Variants in UBR4 observed in about 807,000 individuals in gnomAD.
UBR4 encodes the protein E3 ubiquitin-protein ligase UBR4.
In UBR4, 124 loss-of-function variants were observed where a neutral mutation model predicts 575.6. The ratio of observed to expected loss-of-function variants is 0.22; its 90% CI spans 0.19 to 0.25. The LOEUF (loss-of-function observed/expected upper bound fraction) is 0.25. Among genes scored for constraint, UBR4 ranks in the 10% least tolerant of loss-of-function variants. The probability of loss-of-function intolerance (pLI) is 1.00; values close to 1 mark genes in which losing one functional copy is unlikely to be tolerated. For missense variants in UBR4, 4,818 were observed against 6,478.8 expected, an observed-to-expected ratio of 0.74 and a Z score of 8.80; for synonymous variants, 2,455 against 2,473.7, an observed-to-expected ratio of 0.99 and a Z score of 0.22.
At chr1:19,104,050 G>A in intron 87 of UBR4, 34 bp downstream of exon 87, 1 of 1,608,992 alleles carries the variant, frequency 6.2e-7, no homozygotes, top group Non-Finnish European at 8.5e-7. Context: ...AGAAGGGACA[G>A]TGCCTTAGGC....
At position 19,146,836 on chromosome 1, in the gene UBR4, C is replaced by A. The variant is rs765358902; in HGVS notation, c.7794G>T (p.Gln2598His). The change falls in exon 52 of 106, where the codon CAG becomes CAT. Residue 2598 changes from glutamine (Q) to histidine (H), a missense_variant. Coordinates refer to ENST00000375254, the MANE Select transcript of UBR4 (RefSeq NM_020765.3). Reference sequence around the variant, plus strand: ...AGAGGCCAAGTTCACCTGTTTCCATCTGGGGCAGCTTTGACTCCGTAAAGT... The same window carrying A: ...AGAGGCCAAGTTCACCTGTTTCCATATGGGGCAGCTTTGACTCCGTAAAGT... ...LVHFTESKLPQMETEGMDEGK... is the reference protein window; with the variant it reads ...LVHFTESKLPHMETEGMDEGK... The A allele has an allele frequency of 5.6e-6, 9 of 1,613,136 alleles. No homozygotes were observed. The highest frequency in any genetic ancestry group is 7.6e-6 in the Non-Finnish European group (9 of 1,179,410).
intron 63 of UBR4, among the ~76,000 whole-genome samples, 183 bp from the exon 64 acceptor site, chr1:19,126,838 GAAC>G (rs1557691991): frequency 6.6e-6 from 1 of 152,260 alleles, no homozygotes; most frequent in Non-Finnish European, 1.5e-5. Context: ...GAACTTTTTT[GAAC>G]AACCACATGG....
intron 25 of UBR4, among the ~76,000 whole-genome samples, chr1:19,172,503 C>CGA (rs1557895847): frequency 6.6e-6 from 1 of 151,960 alleles, no homozygotes; most frequent in African/African-American, 2.4e-5. Context: ...GGCGACAGAG[C>CGA]GAGATGCCAT....
intron 11 of UBR4, among the ~76,000 whole-genome samples, chr1:19,190,322 T>C (rs1213695529): frequency 8.7e-6 from 1 of 114,742 alleles, no homozygotes; most frequent in African/African-American, 3.5e-5. Flanking sequence ...AATATATATA[T>C]ATATATATTT....
chr1:19,105,036 A>C lies in UBR4; in HGVS notation c.12645+12T>G, dbSNP rs748648810. 9.3e-6 allele frequency: 15 copies of C among 1,612,262 alleles called. No homozygotes were observed. Among genetic ancestry groups the C allele is most frequent in the Admixed American group, 8.4e-5 (5 of 59,702 alleles). On this transcript the variant is annotated intron_variant, in intron 85 of 105. Transcript: ENST00000375254. ...TAGGGAAGGGGCTCTCTTGGGCAATAGGGTAGGATACCTTGGTGATGAGGT... is the reference window on the plus strand; with the variant it reads ...TAGGGAAGGGGCTCTCTTGGGCAATCGGGTAGGATACCTTGGTGATGAGGT...
At chr1:19,077,005 C>G in intron 104 of UBR4, 103 bp from the exon 105 acceptor site, 2 of 1,296,746 alleles carry the variant, frequency 1.5e-6, no homozygotes, top group Non-Finnish European at 2.1e-6. Flanking sequence ...GGACAGCCCT[C>G]CCAACCTACA....
intron 27 of UBR4, 65 bp downstream of exon 27, chr1:19,169,370 C>G: frequency 1.4e-6 from 2 of 1,434,688 alleles, no homozygotes; most frequent in South Asian, 1.3e-5. Flanking sequence ...TTCCTTTAGG[C>G]TTAAGAACAA....
chr1:19,186,707 C>A (rs763113964), intron 13 of UBR4, 50 bp from the exon 14 acceptor site: 1 of 1,560,886 alleles, frequency 6.4e-7, no homozygotes, highest in Non-Finnish European at 8.8e-7. Context: ...TAATCTCATG[C>A]ATCGCATGAA....
At position 19,105,750 on chromosome 1, in the gene UBR4, G is replaced by C; in HGVS notation, c.12486C>G (p.Val4162=). Residue 4162 remains valine (V), a synonymous_variant, in exon 84 of 106, where the codon GTC becomes GTG. Transcript: ENST00000375254. ...LATIPSRKQQ[V]LDLLTSYLDE... ...AATGGTACCTGGTAAGCAGGTCCAG[G>C]ACCTGCTGCTTGCGGCTGGGAATGG... is the stretch of plus-strand genomic sequence containing the variant. The C allele has an allele frequency of 6.2e-7, 1 of 1,608,494 alleles. No individual in the cohort carries two copies. The highest frequency in any genetic ancestry group is 1.7e-4 in the Middle Eastern group (1 of 6,034).
chr1:19,199,777 T>G (rs2092654964), intron 2 of UBR4, 23 bp from the exon 3 acceptor site: 2 of 1,603,672 alleles, frequency 1.2e-6, no homozygotes. Context: ...TAAACATTAC[T>G]CAATTTCAGA....
At chr1:19,107,048 C>G in intron 81 of UBR4, 82 bp from the exon 82 acceptor site, 1 of 1,558,486 alleles carries the variant, frequency 6.4e-7, no homozygotes, top group Non-Finnish European at 8.7e-7. Context: ...ACTGGTGCCC[C>G]AGGGGGTGAT....
At chr1:19,209,555 G>A (rs770758606) in intron 1 of UBR4, among the ~76,000 whole-genome samples, 12 of 152,180 alleles carry the variant, frequency 7.9e-5, no homozygotes, top group Non-Finnish European at 1.5e-4. Flanking sequence ...ATCAAAGACC[G>A]ATACAGTAGG....
At chr1:19,127,887 AC>A in intron 62 of UBR4, 148 bp from the exon 63 acceptor site, 1 of 676,052 alleles carries the variant, frequency 1.5e-6, no homozygotes, top group Non-Finnish European at 2.6e-6. Context: ...ATATCCATGG[AC>A]TATACTTGGG....
At chr1:19,206,753 T>C (rs1270357462) in intron 1 of UBR4, among the ~76,000 whole-genome samples, 2 of 152,254 alleles carry the variant, frequency 1.3e-5, no homozygotes, top group Non-Finnish European at 2.9e-5. Context: ...GATATCTTTT[T>C]CTTTTAAAAC....
intron 102 of UBR4, chr1:19,082,050 T>C: frequency 2.0e-6 from 1 of 512,800 alleles, no homozygotes; most frequent in Non-Finnish European, 3.4e-6. Context: ...CTTGTTATGT[T>C]ATGTTTACAT....
chr1:19,131,243 T>TAAAAAAAAAAAAAAAA (rs869155620), intron 60 of UBR4, among the ~76,000 whole-genome samples: 1 of 102,946 alleles, frequency 9.7e-6, no homozygotes, highest in Non-Finnish European at 1.9e-5. Context: ...TCTTGAAACT[T>TAAAAAAAAAAAAAAAA]AAAAAAAAAA....
intron 89 of UBR4, 64 bp from the exon 90 acceptor site, chr1:19,099,741 C>T: frequency 7.0e-7 from 1 of 1,423,714 alleles, no homozygotes; most frequent in Non-Finnish European, 9.8e-7. Context: ...AATCCAAGAG[C>T]AAAGGGCACC....
chr1:19,173,338 G>C lies in UBR4; in HGVS notation c.3166-32C>G. The C allele has an allele frequency of 1.9e-6, 3 of 1,613,594 alleles. 1 individual carries two copies. The South Asian group carries it at 3.3e-5, about 18-fold the overall frequency. On this transcript the variant is annotated intron_variant, in intron 23 of 105. Transcript: ENST00000375254. The stretch of plus-strand genomic sequence containing the variant: ...GGACAGCAAGAAAAAGTGTTTAGGA[G>C]ATGACTATAGGCAAAGCTTTCATTA...
In UBR4 at chr1:19,096,550, A is replaced by G. The variant is rs2148956085; in HGVS notation, c.13491T>C (p.Asp4497=). The change falls in exon 92 of 106, where the codon GAT becomes GAC. Residue 4497 remains aspartate (D), a synonymous_variant. Transcript: ENST00000375254. ...CMLNRLAGIR[D]FKQGRHLLTV... ...TTAGAAGGTGGCGTCCCTGCTTGAA[A>G]TCTCTGATCCCTGCGAGTCTGTTAA... is the stretch of plus-strand genomic sequence containing the variant. The G allele has an allele frequency of 1.2e-6, 2 of 1,612,124 alleles. No individual in the cohort carries two copies. The highest frequency in any genetic ancestry group is 4.5e-5 in the East Asian group (2 of 44,678).
Sources: allele counts gnomAD v4.1 joint callset (sites outside exome capture counted in the v4.1 genomes callset), GRCh38; gene constraint gnomAD v4.1.1; transcripts MANE v1.5; gene names NCBI Gene and HGNC (gene_info 2026-07-23, HGNC 2026-07-21).